The following TMPRSS4 variants were observed in gnomAD, a reference collection of about 807,000 sequenced individuals.
TMPRSS4 encodes transmembrane serine protease 4.
Under a neutral mutation model 56.4 loss-of-function variants are expected in TMPRSS4, and 45 were observed. That is an observed-to-expected ratio of 0.80 (90% CI 0.63 to 1.02). The LOEUF is 1.02. Among genes scored for constraint, TMPRSS4 ranks in the 50% least tolerant of loss-of-function variants. The pLI is 0.00. For missense variants in TMPRSS4, 546 were observed against 556.7 expected (o/e 0.98, Z 0.19); for synonymous variants, 205 against 211.0 (o/e 0.97, Z 0.25).
chr11:118,118,647 G>A lies in TMPRSS4; in HGVS notation c.*734G>A, dbSNP rs1415338199. The A allele has an allele frequency of 7.1e-6, 7 of 985,576 alleles. No homozygotes were observed. The highest frequency in any genetic ancestry group is 1.7e-5 in the African/African-American group (1 of 57,238). The allele number at this position is 985,576 out of a possible 1,614,324, so 61.1% of individuals were successfully genotyped here. A position where few individuals can be genotyped will look rare whatever the true frequency, so the allele number is the denominator to read the frequency against. The stretch of plus-strand genomic sequence containing the variant: ...CTGCAGATTACAGAAACCAGGGTGA[G>A]CAAGTTTGAGTCCCACACAGGGCCT... On this transcript the variant is annotated 3_prime_UTR_variant, in exon 13 of 13. Coordinates refer to ENST00000437212, the MANE Select transcript of TMPRSS4 (RefSeq NM_019894.4).
intron 3 of TMPRSS4, 132 bp from the exon 4 acceptor site, chr11:118,102,969 A>G: frequency 2.4e-6 from 3 of 1,225,322 alleles, no homozygotes; most frequent in Non-Finnish European, 3.5e-6. Context: ...TGTGCTACCA[A>G]GTAGCAAAAC....
intron 1 of TMPRSS4, among the ~76,000 whole-genome samples, chr11:118,084,650 T>C (rs1945404727): frequency 6.6e-6 from 1 of 152,198 alleles, no homozygotes; most frequent in Non-Finnish European, 1.5e-5. Flanking sequence ...GGAGTTCTGC[T>C]CTCCATGCCT....
At chr11:118,112,983 G>A (rs1013258051) in intron 8 of TMPRSS4, among the ~76,000 whole-genome samples, 4 of 152,016 alleles carry the variant, frequency 2.6e-5, no homozygotes, top group East Asian at 1.9e-4. Context: ...AGGAGAGAGC[G>A]CCAGGACCTC....
At chr11:118,104,144 AG>A (rs1368663871) in intron 4 of TMPRSS4, among the ~76,000 whole-genome samples, 1 of 152,206 alleles carries the variant, frequency 6.6e-6, no homozygotes, top group African/African-American at 2.4e-5. Context: ...TTCTGAGGGC[AG>A]GGCTGAGTGA....
Position 118,119,418 on chromosome 11 carries a change from G to A in TMPRSS4, c.*1505G>A, listed in dbSNP as rs1417609381. 3.2e-6 allele frequency: 3 copies of A among 931,362 alleles called. No homozygotes were observed. Among genetic ancestry groups the A allele is most frequent in the Non-Finnish European group, 3.8e-6 (3 of 780,948 alleles). The allele number at this position is 931,362 out of a possible 1,614,324, so 57.7% of individuals were successfully genotyped here. On this transcript the variant is annotated 3_prime_UTR_variant, in exon 13 of 13. Transcript: ENST00000437212. ...GGATTCCCAAAGATCCTCCAAATATGAGCTCACAATCAAAGATCAGAGACG... is the reference window on the plus strand; with the variant it reads ...GGATTCCCAAAGATCCTCCAAATATAAGCTCACAATCAAAGATCAGAGACG...
Position 118,113,289 on chromosome 11 carries a change from A to C in TMPRSS4, c.764A>C (p.Asn255Thr). 6.2e-7 allele frequency: 1 copy of C among 1,614,074 alleles called. No individual in the cohort carries two copies. The highest frequency in any genetic ancestry group is 1.6e-4 in the Middle Eastern group (1 of 6,062). Residue 255 changes from asparagine to threonine, a missense_variant, in exon 9 of 13, where the codon AAC becomes ACC. Physicochemically the swap from Asn to Thr is moderately conservative, Grantham distance 65. Transcript: ENST00000437212. ...CCCAGGAAACATACCGATGTGTTCA[A>C]CTGGAAGGTGCGGGCAGGCTCAGAC... Reference protein sequence around the residue: ...HCFRKHTDVFNWKVRAGSDKL... With the variant: ...HCFRKHTDVFTWKVRAGSDKL...
downstream of TMPRSS4, chr11:118,125,404 C>T (rs7944738): frequency 0.63 from 286,184 of 454,808 alleles, 90,731 homozygotes; most frequent in South Asian, 0.73. Context: ...CATCGCCTGA[C>T]CACCTGTGTT....
chr11:118,098,572 T>G (rs1194863234), intron 2 of TMPRSS4, among the ~76,000 whole-genome samples: 1 of 152,160 alleles, frequency 6.6e-6, no homozygotes, highest in Non-Finnish European at 1.5e-5. Context: ...CCCTGATGCT[T>G]AATGTTTAAT....
intron 1 of TMPRSS4, among the ~76,000 whole-genome samples, chr11:118,080,940 T>A (rs1945079041): frequency 6.6e-6 from 1 of 152,154 alleles, no homozygotes; most frequent in Admixed American, 6.5e-5. Flanking sequence ...GACAGTGAAC[T>A]CCTCCAAACC....
chr11:118,077,772 G>A (rs1285766074), intron 1 of TMPRSS4, among the ~76,000 whole-genome samples: 2 of 152,114 alleles, frequency 1.3e-5, no homozygotes, highest in Non-Finnish European at 2.9e-5. Flanking sequence ...AGCACTTTGC[G>A]AGGCTGAGGC....
chr11:118,115,155 C>T lies in TMPRSS4; in HGVS notation c.1027C>T (p.Leu343=). Reference sequence around the variant, plus strand: ...CCTCCCAGGGAAGATGTCTGACATACTGCTGCAGGCGTCAGTCCAGGTCAT... The same window carrying T: ...CCTCCCAGGGAAGATGTCTGACATATTGCTGCAGGCGTCAGTCCAGGTCAT... The part of the protein sequence containing the change: ...KQNGGKMSDI[L]LQASVQVIDS... Residue 343 remains leucine, a synonymous_variant, in exon 11 of 13, where the codon CTG becomes TTG. Transcript: ENST00000437212. 6.2e-7 allele frequency: 1 copy of T among 1,611,526 alleles called. No individual in the cohort carries two copies. The highest frequency in any genetic ancestry group is 8.5e-7 in the Non-Finnish European group (1 of 1,179,246).
At chr11:118,086,699 T>G (rs189171637) in intron 1 of TMPRSS4, 1 of 153,134 alleles carries the variant, frequency 6.5e-6, no homozygotes, top group East Asian at 1.9e-4. Flanking sequence ...GGAAACTCAC[T>G]CCCTCCTCTC....
chr11:118,081,527 G>A (rs1294988581), intron 1 of TMPRSS4, among the ~76,000 whole-genome samples: 3 of 152,252 alleles, frequency 2.0e-5, no homozygotes, highest in African/African-American at 7.2e-5. Flanking sequence ...CGTGCAACCA[G>A]AAACTCTCGA....
intron 1 of TMPRSS4, among the ~76,000 whole-genome samples, chr11:118,088,815 G>T (rs1322376994): frequency 6.6e-6 from 1 of 152,240 alleles, no homozygotes; most frequent in Non-Finnish European, 1.5e-5. Context: ...AAGCACATGT[G>T]TTGTTTGGTG....
chr11:118,117,637 T>C (rs1947633257), intron 12 of TMPRSS4, 183 bp downstream of exon 12: 12 of 984,268 alleles, frequency 1.2e-5, no homozygotes, highest in Non-Finnish European at 1.3e-5. Context: ...AGGTCAGAGA[T>C]TTCTGATAAA....
At chr11:118,093,401 G>A (rs530249818) in intron 1 of TMPRSS4, among the ~76,000 whole-genome samples, 28 of 152,302 alleles carry the variant, frequency 1.8e-4, no homozygotes, top group Non-Finnish European at 2.5e-4. Flanking sequence ...TAGGGCAGGC[G>A]AGTCCCTGGG....
chr11:118,090,460 A>G (rs954612252), intron 1 of TMPRSS4, among the ~76,000 whole-genome samples: 1 of 151,948 alleles, frequency 6.6e-6, no homozygotes, highest in Non-Finnish European at 1.5e-5. Flanking sequence ...TTCCACAACT[A>G]CTACTCAGTG....
intron 3 of TMPRSS4, among the ~76,000 whole-genome samples, chr11:118,101,935 C>T (rs973326858): frequency 1.6e-4 from 25 of 152,218 alleles, no homozygotes; most frequent in African/African-American, 6.0e-4. Flanking sequence ...CCAACCCCTT[C>T]ACAGATCTTT....
intron 9 of TMPRSS4, among the ~76,000 whole-genome samples, chr11:118,113,915 G>A (rs1328655367): frequency 6.6e-6 from 1 of 152,200 alleles, no homozygotes; most frequent in Admixed American, 6.5e-5. Context: ...ATACTGAAAT[G>A]TATTTAGATC....
Sources: gnomAD v4.1 joint callset for allele counts (sites outside exome capture counted in the v4.1 genomes callset) on GRCh38, gnomAD v4.1.1 for gene constraint, MANE v1.5 for transcripts, NCBI Gene and HGNC (gene_info 2026-07-23, HGNC 2026-07-21) for gene names.